The following ARHGEF10 variants were observed in gnomAD, a reference collection of about 807,000 sequenced individuals.
The protein encoded by ARHGEF10 is Rho guanine nucleotide exchange factor 10, also known as Rho guanine nucleotide exchange factor (GEF) 10.
Under a neutral mutation model 147.4 loss-of-function variants are expected in ARHGEF10, and 140 were observed. The observed-to-expected ratio is 0.95, with a 90% CI of 0.83 to 1.09. The LOEUF is 1.09. Among genes scored for constraint, ARHGEF10 ranks in the 50% least tolerant of loss-of-function variants. The probability of loss-of-function intolerance (pLI) is 0.00; values close to 1 mark genes in which losing one functional copy is unlikely to be tolerated. For synonymous variants in ARHGEF10, 902 were observed against 695.8 expected, an observed-to-expected ratio of 1.30 and a Z score of -4.67; for missense variants, 2,222 against 1,752.7, an observed-to-expected ratio of 1.27 and a Z score of -4.78.
At chr8:1,837,845 G>T (rs1040409163) in intron 1 of ARHGEF10, among the ~76,000 whole-genome samples, 1 of 152,184 alleles carries the variant, frequency 6.6e-6, no homozygotes, top group African/African-American at 2.4e-5. Context: ...TTCTTCAGCA[G>T]TTGAGAAACT....
At chr8:1,843,294 C>T in intron 1 of ARHGEF10, 59 bp from the exon 2 acceptor site, 2 of 1,359,954 alleles carry the variant, frequency 1.5e-6, no homozygotes, top group Non-Finnish European at 2.1e-6. Flanking sequence ...AGCCCTACAC[C>T]TATTGAGTGC....
intron 2 of ARHGEF10, among the ~76,000 whole-genome samples, chr8:1,851,261 C>T (rs113296579): frequency 1.3e-3 from 200 of 151,106 alleles, no homozygotes; most frequent in African/African-American, 4.7e-3. Flanking sequence ...CTCACGCACA[C>T]CGTGGGCTTT....
At chr8:1,879,473 C>G (rs1042068661) in intron 8 of ARHGEF10, among the ~76,000 whole-genome samples, 1 of 152,024 alleles carries the variant, frequency 6.6e-6, no homozygotes, top group Non-Finnish European at 1.5e-5. Flanking sequence ...TTGCTCCTGT[C>G]TAGCACAGAG....
intron 18 of ARHGEF10, among the ~76,000 whole-genome samples, chr8:1,911,221 T>C (rs1013568158): frequency 5.9e-5 from 9 of 152,236 alleles, no homozygotes; most frequent in Non-Finnish European, 1.3e-4. Context: ...TGGTGTTATA[T>C]CTCCAGTTAA....
intron 26 of ARHGEF10, among the ~76,000 whole-genome samples, chr8:1,935,041 A>G (rs1259158991): frequency 6.6e-6 from 1 of 152,194 alleles, no homozygotes; most frequent in East Asian, 1.9e-4. Context: ...GAAAGAAATA[A>G]ACAATAAACT....
chr8:1,910,000 G>C (rs1811241047), intron 18 of ARHGEF10, among the ~76,000 whole-genome samples: 1 of 152,114 alleles, frequency 6.6e-6, no homozygotes, highest in Non-Finnish European at 1.5e-5. Context: ...CAATGTCTTA[G>C]CATTGCACAT....
At chr8:1,874,129 G>A (rs1807433441) in intron 7 of ARHGEF10, among the ~76,000 whole-genome samples, 1 of 152,230 alleles carries the variant, frequency 6.6e-6, no homozygotes, top group African/African-American at 2.4e-5. Context: ...TGCCAGCCCA[G>A]GCATTCAAGA....
Position 1,903,358 on chromosome 8 carries a change from A to G in ARHGEF10, c.1728A>G (p.Leu576=). 1.2e-6 allele frequency: 2 copies of G among 1,614,186 alleles called. No individual in the cohort carries two copies. The highest frequency in any genetic ancestry group is 1.7e-6 in the Non-Finnish European group (2 of 1,180,050). Residue 576 remains leucine (L), a synonymous_variant, in exon 16 of 29, where the codon CTA becomes CTG. Transcript: ENST00000349830. ...LQMALTELET[L]AEKLNERKRD... ...TGGCCCTGACAGAGCTCGAAACACT[A>G]GCAGAGAAGTTAAATGAAAGAAAGA... is the stretch of plus-strand genomic sequence containing the variant.
At chr8:1,949,345 G>C (rs1349741835) in intron 27 of ARHGEF10, among the ~76,000 whole-genome samples, 1 of 152,170 alleles carries the variant, frequency 6.6e-6, no homozygotes. Flanking sequence ...AGCTACATCA[G>C]ATTCAACACA....
At chr8:1,910,920 T>C (rs995119874) in intron 18 of ARHGEF10, among the ~76,000 whole-genome samples, 2 of 152,232 alleles carry the variant, frequency 1.3e-5, no homozygotes, top group Non-Finnish European at 2.9e-5. Flanking sequence ...TATTTTCTTA[T>C]TCATCTTATT....
chr8:1,857,906 C>CTATT (rs1480282816), intron 2 of ARHGEF10, 54 bp from the exon 3 acceptor site: 7 of 1,302,890 alleles, frequency 5.4e-6, no homozygotes, highest in Non-Finnish European at 6.6e-6. Flanking sequence ...ATCTATCTAT[C>CTATT]TATCTATCTA....
At chr8:1,829,931 G>A (rs897261495) in intron 1 of ARHGEF10, among the ~76,000 whole-genome samples, 7 of 152,202 alleles carry the variant, frequency 4.6e-5, no homozygotes, top group African/African-American at 1.7e-4. Context: ...AAGGTGCAGC[G>A]TTTTGCCAGC....
At chr8:1,861,644 C>A (rs1806142039) in intron 4 of ARHGEF10, among the ~76,000 whole-genome samples, 1 of 152,114 alleles carries the variant, frequency 6.6e-6, no homozygotes, top group Non-Finnish European at 1.5e-5. Context: ...AAAAAAAAAT[C>A]CTTAAAGAAA....
intron 18 of ARHGEF10, among the ~76,000 whole-genome samples, chr8:1,912,199 G>A (rs543938699): frequency 6.6e-6 from 1 of 151,934 alleles, no homozygotes; most frequent in African/African-American, 2.4e-5. Flanking sequence ...GCCGTGTGGT[G>A]TTAGACTCAG....
chr8:1,874,659 AGGGTGTGTAGGGGGTAGAGGTT>A (rs1168689376), intron 7 of ARHGEF10, among the ~76,000 whole-genome samples: 2 of 151,042 alleles, frequency 1.3e-5, no homozygotes, highest in Non-Finnish European at 2.9e-5. Context: ...GACACACACC[AGGGTGTGTAGGGGGTAGAGGTT>A]CTAAGACAGT....
In ARHGEF10 at chr8:1,956,899, C is replaced by T. The variant is rs749312151; in HGVS notation, c.3671C>T (p.Pro1224Leu). 21 of 1,613,930 alleles carry T rather than the reference C, an allele frequency of 1.3e-5. No individual in the cohort carries two copies. The highest frequency in any genetic ancestry group is 3.3e-5 in the Admixed American group (2 of 60,006). Reference sequence around the variant, plus strand: ...GACGAAGACCAGAAGGACGCACTTCCGAGTGGAGGAGCTGGTTCATCTCTG... The same window carrying T: ...GACGAAGACCAGAAGGACGCACTTCTGAGTGGAGGAGCTGGTTCATCTCTG... ...PQDEDQKDAL[P>L]SGGAGSSLSQ... is the part of the protein sequence containing the mutation. The change falls in exon 29 of 29, where the codon CCG (proline) becomes CTG (leucine). Residue 1224 changes from proline (P) to leucine (L), a missense_variant. By Grantham distance (98) the Pro-to-Leu change is moderately conservative. Transcript: ENST00000349830.
At chr8:1,887,198 A>C (rs1003286651) in intron 11 of ARHGEF10, among the ~76,000 whole-genome samples, 4 of 152,212 alleles carry the variant, frequency 2.6e-5, no homozygotes, top group Admixed American at 1.3e-4. Flanking sequence ...GTAGCGATGA[A>C]GCCGAAAACC....
At chr8:1,868,009 G>A (rs1019943958) in intron 6 of ARHGEF10, among the ~76,000 whole-genome samples, 3 of 152,162 alleles carry the variant, frequency 2.0e-5, no homozygotes, top group African/African-American at 7.2e-5. Context: ...GGTAAAATTT[G>A]TCTGATTTTT....
intron 7 of ARHGEF10, chr8:1,871,112 C>CAAAAAAAAAAAAA (rs779598908): frequency 1.3e-5 from 1 of 78,946 alleles, no homozygotes; most frequent in Non-Finnish European, 2.5e-5. Flanking sequence ...AACTCTGTGT[C>CAAAAAAAAAAAAA]AAAAAAAAAA....
Sources: gnomAD v4.1 joint callset for allele counts (sites outside exome capture counted in the v4.1 genomes callset) on GRCh38, gnomAD v4.1.1 for gene constraint, MANE v1.5 for transcripts, NCBI Gene and HGNC (gene_info 2026-07-23, HGNC 2026-07-21) for gene names.